Variants in SCN8A observed in about 807,000 individuals in gnomAD.
SCN8A encodes sodium voltage-gated channel alpha subunit 8.
Under a neutral mutation model 184.1 loss-of-function variants are expected in SCN8A, and 30 were observed. The observed-to-expected ratio is 0.16, with a 90% CI of 0.12 to 0.22. SCN8A has a LOEUF of 0.22. Ranked by LOEUF, SCN8A falls within the 10% of genes least tolerant of loss-of-function variation. The probability of loss-of-function intolerance (pLI) is 1.00; values close to 1 mark genes in which losing one functional copy is unlikely to be tolerated. For synonymous variants in SCN8A, 852 were observed against 907.0 expected, an observed-to-expected ratio of 0.94 and a Z score of 1.09; for missense variants, 1,057 against 2,498.9, an observed-to-expected ratio of 0.42 and a Z score of 12.30.
chr12:51,687,307 G>A, intron 5 of SCN8A, 88 bp downstream of exon 5: 2 of 1,442,874 alleles, frequency 1.4e-6, no homozygotes, highest in Non-Finnish European at 1.9e-6. Flanking sequence ...GTGTGCATTT[G>A]TGGACACAGC....
chr12:51,804,803 A>T (rs574694749), intron 26 of SCN8A, among the ~76,000 whole-genome samples: 1 of 152,320 alleles, frequency 6.6e-6, no homozygotes, highest in South Asian at 2.1e-4. Context: ...CACGACTTGC[A>T]GCACAAAATC....
chr12:51,773,394 T>G (rs1942959603), intron 19 of SCN8A, among the ~76,000 whole-genome samples: 1 of 152,176 alleles, frequency 6.6e-6, no homozygotes, highest in South Asian at 2.1e-4. Flanking sequence ...GCCAAAGAAA[T>G]AAAATAGTGA....
chr12:51,677,056 G>A (rs1039823079), intron 2 of SCN8A, among the ~76,000 whole-genome samples: 7 of 133,114 alleles, frequency 5.3e-5, no homozygotes, highest in Admixed American at 2.3e-4. Flanking sequence ...TTATTGTTTT[G>A]TTTTATTTTA....
At chr12:51,671,886 T>C (rs1476733312) in intron 2 of SCN8A, among the ~76,000 whole-genome samples, 1 of 152,200 alleles carries the variant, frequency 6.6e-6, no homozygotes, top group Non-Finnish European at 1.5e-5. Context: ...TGCATTTCTA[T>C]TCCAGACACT....
At chr12:51,735,831 T>C (rs1942316869) in intron 12 of SCN8A, among the ~76,000 whole-genome samples, 1 of 152,186 alleles carries the variant, frequency 6.6e-6, no homozygotes. Context: ...CCAAATCGGC[T>C]GTTGATTTTG....
chr12:51,790,669 T>C (rs1053734277), intron 25 of SCN8A, among the ~76,000 whole-genome samples, 167 bp downstream of exon 25: 10 of 152,152 alleles, frequency 6.6e-5, no homozygotes, highest in Non-Finnish European at 1.5e-4. Context: ...AGAACAGGGA[T>C]TAAGGCATGG....
At chr12:51,723,485 AAAAAT>A (rs1343849282) in intron 12 of SCN8A, among the ~76,000 whole-genome samples, 26 of 152,174 alleles carry the variant, frequency 1.7e-4, no homozygotes, top group Admixed American at 4.6e-4. Context: ...AGACTCTATC[AAAAAT>A]AAAATAAAGC....
chr12:51,715,395 A>G (rs1331742128), intron 11 of SCN8A, among the ~76,000 whole-genome samples: 3 of 152,126 alleles, frequency 2.0e-5, no homozygotes, highest in African/African-American at 7.2e-5. Context: ...CCAAGTTTCA[A>G]GAGGGCAGGG....
chr12:51,716,242 C>T (rs571668065), intron 11 of SCN8A, among the ~76,000 whole-genome samples: 2 of 152,284 alleles, frequency 1.3e-5, no homozygotes, highest in East Asian at 3.9e-4. Context: ...GTAGTTCCAG[C>T]TACTTGGGAG....
At chr12:51,708,294 G>A (rs1356098808) in intron 11 of SCN8A, among the ~76,000 whole-genome samples, 1 of 152,184 alleles carries the variant, frequency 6.6e-6, no homozygotes, top group African/African-American at 2.4e-5. Context: ...GCCTATGGTA[G>A]ATTGAAAGCC....
At chr12:51,623,350 C>T (rs1335159458) in intron 1 of SCN8A, among the ~76,000 whole-genome samples, 1 of 152,192 alleles carries the variant, frequency 6.6e-6, no homozygotes, top group Non-Finnish European at 1.5e-5. Context: ...GTATCTTTGA[C>T]TCCAACTCAG....
intron 1 of SCN8A, among the ~76,000 whole-genome samples, chr12:51,606,875 GT>G (rs1340348799): frequency 6.6e-6 from 1 of 150,774 alleles, no homozygotes; most frequent in African/African-American, 2.4e-5. Context: ...TGTAAGAGGG[GT>G]TGAGTTTTTA....
chr12:51,624,769 C>T (rs1417249140), intron 1 of SCN8A, among the ~76,000 whole-genome samples: 4 of 152,008 alleles, frequency 2.6e-5, no homozygotes, highest in South Asian at 2.1e-4. Flanking sequence ...GTCTTTAATC[C>T]ATCTTGAATT....
At chr12:51,653,982 G>A (rs1940771128) in intron 1 of SCN8A, among the ~76,000 whole-genome samples, 1 of 151,986 alleles carries the variant, frequency 6.6e-6, no homozygotes, top group Non-Finnish European at 1.5e-5. Flanking sequence ...GTGCTTATTG[G>A]TCATTTTTAT....
Position 51,686,764 on chromosome 12 carries a change from T to C in SCN8A, c.485+307T>C, listed in dbSNP as rs558956233. Among the ~76,000 whole-genome samples the C allele has an allele frequency of 5.5e-3, 836 of 152,278 alleles. 4 individuals are homozygous for C. Among genetic ancestry groups the C allele is most frequent in the African/African-American group, 0.019 (776 of 41,552 alleles). ...TTTCTCCAATTTTAGGTTTCCCTGT[T>C]TTTTGACTTCTCTAAGGTTAAAAAC... is the stretch of plus-strand genomic sequence containing the variant. On this transcript the variant is annotated intron_variant, in intron 4 of 26. Coordinates refer to ENST00000627620, the MANE Select transcript of SCN8A (RefSeq NM_001330260.2).
chr12:51,626,606 CTT>C (rs1326365828), intron 1 of SCN8A, among the ~76,000 whole-genome samples: 3 of 152,064 alleles, frequency 2.0e-5, no homozygotes, highest in African/African-American at 7.2e-5. Context: ...ACTTGCTAGT[CTT>C]TGAAGATTAC....
At chr12:51,756,537 C>T (rs1433805581) in intron 14 of SCN8A, among the ~76,000 whole-genome samples, 2 of 152,368 alleles carry the variant, frequency 1.3e-5, no homozygotes, top group East Asian at 3.9e-4. Context: ...CCCCCACCCC[C>T]TCAAGTGTGG....
At chr12:51,722,779 C>T (rs927230595) in intron 12 of SCN8A, 2 of 152,200 alleles carry the variant, frequency 1.3e-5, no homozygotes, top group Admixed American at 6.5e-5. Flanking sequence ...GGAGGAGTTG[C>T]ATATAATAGC....
intron 12 of SCN8A, among the ~76,000 whole-genome samples, chr12:51,745,524 C>A (rs143914221): frequency 5.3e-5 from 8 of 152,242 alleles, no homozygotes; most frequent in African/African-American, 1.7e-4. Flanking sequence ...GTCATGTGGA[C>A]CAATTCTAGC....
Sources: gnomAD v4.1 joint callset for allele counts (sites outside exome capture counted in the v4.1 genomes callset) on GRCh38, gnomAD v4.1.1 for gene constraint, MANE v1.5 for transcripts, NCBI Gene and HGNC (gene_info 2026-07-23, HGNC 2026-07-21) for gene names.